The following PPME1 variants were observed in gnomAD, a reference collection of about 807,000 sequenced individuals.
The protein encoded by PPME1 is protein phosphatase methylesterase 1.
A neutral mutation model predicts 56.9 loss-of-function variants in PPME1; 17 were observed. The ratio of observed to expected loss-of-function variants is 0.30; its 90% confidence interval spans 0.20 to 0.45. The LOEUF (loss-of-function observed/expected upper bound fraction) is 0.45. Ranked by LOEUF, PPME1 falls within the 20% of genes least tolerant of loss-of-function variation. The probability of loss-of-function intolerance (pLI) is 1.00; values close to 1 mark genes in which losing one functional copy is unlikely to be tolerated. For synonymous variants in PPME1, 122 were observed against 156.2 expected (o/e 0.78, Z 1.63); for missense variants, 357 against 483.2 (o/e 0.74, Z 2.45).
intron 5 of PPME1, among the ~76,000 whole-genome samples, chr11:74,228,930 A>G (rs534190926): frequency 2.2e-4 from 33 of 152,228 alleles, no homozygotes; most frequent in East Asian, 1.9e-4. Context: ...CGTCTTAACT[A>G]TTTGTTATCG....
chr11:74,253,635 G>T lies in PPME1; in HGVS notation c.*125G>T. On this transcript the variant is annotated 3_prime_UTR_variant, in exon 14 of 14. Transcript: ENST00000328257. ...CATGTGACACTGGCTCCCGGTAGAC[G>T]GGCACCCCGAGATGTACCAACCTTT... 9.1e-7 allele frequency: 1 copy of T among 1,104,744 alleles called. No individual in the cohort carries two copies. The highest frequency in any genetic ancestry group is 1.8e-5 in the Admixed American group (1 of 55,566). The allele number at this position is 1,104,744 out of a possible 1,614,324, so 68.4% of individuals were successfully genotyped here.
At chr11:74,250,233 C>T (rs2135683256) in intron 11 of PPME1, 1 of 152,250 alleles carries the variant, frequency 6.6e-6, no homozygotes, top group African/African-American at 2.4e-5. Context: ...CTCTGGGTCT[C>T]ATATCCTTTA....
At chr11:74,180,576 T>A (rs1364029831) in intron 1 of PPME1, among the ~76,000 whole-genome samples, 1 of 152,268 alleles carries the variant, frequency 6.6e-6, no homozygotes, top group Admixed American at 6.5e-5. Flanking sequence ...AATATGTTAC[T>A]TTGAGATTTA....
chr11:74,225,203 A>T lies in PPME1; in HGVS notation c.347-2A>T. 6.5e-7 allele frequency: 1 copy of T among 1,538,912 alleles called. No individual in the cohort carries two copies. The highest frequency in any genetic ancestry group is 1.2e-5 in the South Asian group (1 of 81,600). ...TTTATTTTTAAAATATTTTCATTTTAGGTGAAACAAAGGTCAAGAATCCTG... is the reference window on the plus strand; with the variant it reads ...TTTATTTTTAAAATATTTTCATTTTTGGTGAAACAAAGGTCAAGAATCCTG... On this transcript the variant is annotated splice_acceptor_variant, in intron 4 of 13. Coordinates refer to ENST00000328257, the MANE Select transcript of PPME1 (RefSeq NM_016147.3). LOFTEE classifies it high-confidence loss of function.
chr11:74,191,466 G>T (rs1185315101), intron 1 of PPME1, among the ~76,000 whole-genome samples: 1 of 152,230 alleles, frequency 6.6e-6, no homozygotes, highest in Non-Finnish European at 1.5e-5. Flanking sequence ...TTACTAGAGA[G>T]ATTTGCATGA....
intron 1 of PPME1, among the ~76,000 whole-genome samples, chr11:74,190,884 A>G (rs1857818159): frequency 6.6e-6 from 1 of 152,240 alleles, no homozygotes; most frequent in Non-Finnish European, 1.5e-5. Flanking sequence ...TCATCATGTT[A>G]TGCCCTAGCA....
At chr11:74,251,234 T>C (rs1859651358) in intron 12 of PPME1, 1 of 1,400,708 alleles carries the variant, frequency 7.1e-7, no homozygotes, top group African/African-American at 1.4e-5. Context: ...CACTCTGCTA[T>C]TTCATCCCAG....
At chr11:74,239,099 A>C in intron 8 of PPME1, 34 bp from the exon 9 acceptor site, 3 of 1,592,644 alleles carry the variant, frequency 1.9e-6, no homozygotes, top group Non-Finnish European at 2.6e-6. Flanking sequence ...TATTGGAAAG[A>C]GGTGTGTAAT....
intron 1 of PPME1, among the ~76,000 whole-genome samples, chr11:74,183,931 T>G (rs10431176): frequency 0.14 from 20,761 of 152,208 alleles, 1,971 homozygotes; most frequent in East Asian, 0.3. Context: ...AGCAATAGTT[T>G]AGAATTGTCC....
intron 7 of PPME1, among the ~76,000 whole-genome samples, chr11:74,232,701 G>C (rs927742820): frequency 2.0e-5 from 3 of 149,168 alleles, no homozygotes; most frequent in African/African-American, 7.4e-5. Flanking sequence ...TTTGAGACAG[G>C]GTGTCACTCT....
At chr11:74,195,365 A>G (rs1254230302) in intron 1 of PPME1, among the ~76,000 whole-genome samples, 1 of 152,126 alleles carries the variant, frequency 6.6e-6, no homozygotes, top group African/African-American at 2.4e-5. Flanking sequence ...TTTGAACACT[A>G]TTATTAATGG....
At chr11:74,215,087 C>T (rs1858593578) in intron 3 of PPME1, among the ~76,000 whole-genome samples, 1 of 152,130 alleles carries the variant, frequency 6.6e-6, no homozygotes, top group Non-Finnish European at 1.5e-5. Flanking sequence ...TGGCTCACAC[C>T]TGTAATCCCG....
intron 1 of PPME1, among the ~76,000 whole-genome samples, chr11:74,191,519 A>G (rs1027213277): frequency 3.3e-5 from 5 of 152,216 alleles, no homozygotes; most frequent in Admixed American, 6.5e-5. Context: ...AATGGGGGCA[A>G]GGTTTCAAAG....
At chr11:74,174,547 C>G (rs901351292) in intron 1 of PPME1, among the ~76,000 whole-genome samples, 2 of 152,130 alleles carry the variant, frequency 1.3e-5, no homozygotes, top group Non-Finnish European at 2.9e-5. Context: ...GTGTGGCTTA[C>G]TCTTAACTAT....
chr11:74,193,510 C>T (rs564045865), intron 1 of PPME1, among the ~76,000 whole-genome samples: 1 of 152,342 alleles, frequency 6.6e-6, no homozygotes, highest in African/African-American at 2.4e-5. Context: ...TGAAACCCTT[C>T]TGGTCCCAAG....
intron 7 of PPME1, among the ~76,000 whole-genome samples, chr11:74,234,875 A>G (rs549148988): frequency 6.6e-5 from 10 of 152,222 alleles, no homozygotes; most frequent in Non-Finnish European, 1.5e-4. Flanking sequence ...AGACAGGATA[A>G]CTGAAAGAAA....
At chr11:74,203,884 T>C in intron 2 of PPME1, 63 bp downstream of exon 2, 1 of 1,215,386 alleles carries the variant, frequency 8.2e-7, no homozygotes. Flanking sequence ...TTAAAAGACT[T>C]GTGTAGTTTC....
intron 1 of PPME1, among the ~76,000 whole-genome samples, chr11:74,181,871 C>T (rs956512801): frequency 6.6e-6 from 1 of 152,210 alleles, no homozygotes; most frequent in African/African-American, 2.4e-5. Flanking sequence ...AAAGTAGCCA[C>T]AGACAATATG....
intron 1 of PPME1, among the ~76,000 whole-genome samples, chr11:74,201,401 C>T (rs1279321073): frequency 2.0e-5 from 3 of 152,126 alleles, no homozygotes; most frequent in African/African-American, 7.2e-5. Flanking sequence ...TGTAAAGGTT[C>T]TTTGGCATTG....
Sources: allele counts gnomAD v4.1 joint callset (sites outside exome capture counted in the v4.1 genomes callset), GRCh38; gene constraint gnomAD v4.1.1; transcripts MANE v1.5; gene names NCBI Gene and HGNC (gene_info 2026-07-23, HGNC 2026-07-21).